The following BBX variants were observed in gnomAD, a reference collection of about 807,000 sequenced individuals.
BBX encodes the protein BBX high mobility group box domain containing, also known as HMG box transcription factor BBX.
BBX carries 30 observed loss-of-function variants against 100.2 expected under a neutral mutation model. The ratio of observed to expected loss-of-function variants is 0.30; its 90% CI spans 0.22 to 0.41. The LOEUF is 0.41. BBX is among the 10% of genes least tolerant of loss of function. The pLI, the probability that BBX is intolerant of heterozygous loss-of-function variation, is 1.00. For synonymous variants in BBX, 376 were observed against 388.1 expected (o/e 0.97, Z 0.37); for missense variants, 1,023 against 1,129.8 (o/e 0.91, Z 1.35).
intron 2 of BBX, among the ~76,000 whole-genome samples, chr3:107,561,275 G>A (rs2050476643): frequency 6.6e-6 from 1 of 152,136 alleles, no homozygotes; most frequent in African/African-American, 2.4e-5. Context: ...GATTGTCCTG[G>A]TTATGTAGAA....
intron 7 of BBX, among the ~76,000 whole-genome samples, chr3:107,740,716 C>T (rs1327007255): frequency 6.6e-6 from 1 of 151,950 alleles, no homozygotes; most frequent in East Asian, 1.9e-4. Flanking sequence ...TACTTTCCCA[C>T]CTCCTGTTAC....
rs757803727 is a variant in BBX, at chr3:107,808,432, C to T, written c.*2975C>T. 3 of 152,074 alleles carry T rather than the reference C, an allele frequency of 2.0e-5. No individual in the cohort carries two copies. The highest frequency in any genetic ancestry group is 4.4e-5 in the Non-Finnish European group (3 of 68,010). The allele number at this position is 152,074 out of a possible 1,614,324, so 9.4% of individuals were successfully genotyped here. A position where few individuals can be genotyped will look rare whatever the true frequency, so the allele number is the denominator to read the frequency against. ...TCTTTTGAAAAAAAATTGTCCTAGC[C>T]CTTCTCTGCGATGCTGGAAGTAGAA... On this transcript the variant is annotated 3_prime_UTR_variant, in exon 18 of 18. Transcript: ENST00000325805.
At position 107,772,665 on chromosome 3, in the gene BBX, C is replaced by T; in HGVS notation, c.944C>T (p.Ser315Leu). 6.3e-7 allele frequency: 1 copy of T among 1,595,666 alleles called. No homozygotes were observed. Among genetic ancestry groups the T allele is most frequent in the Middle Eastern group, 1.7e-4 (1 of 5,930 alleles). The change falls in exon 11 of 18, where the codon TCA becomes TTA. Residue 315 changes from serine (S) to leucine (L), a missense_variant. Ser to Leu is a moderately radical substitution (Grantham distance 145). Around this residue, in one of 9 missense-constraint regions of BBX, gnomAD observed 348 missense variants for 353.2 expected, o/e 0.99. Transcript: ENST00000325805. ...TCAGAAGGGATGAAAATGGAAGAATCAAAGCTAATAAAAGCAAAAGAATCC... is the reference window on the plus strand; with the variant it reads ...TCAGAAGGGATGAAAATGGAAGAATTAAAGCTAATAAAAGCAAAAGAATCC... The part of the protein sequence containing the change: ...LASEGMKMEE[S>L]KLIKAKESDG...
At chr3:107,539,173 G>A (rs2947095) in intron 2 of BBX, among the ~76,000 whole-genome samples, 16,525 of 152,022 alleles carry the variant, frequency 0.11, 994 homozygotes, top group Non-Finnish European at 0.12. Flanking sequence ...TGGGTTCAAT[G>A]TATTGAATTA....
At chr3:107,742,509 G>A (rs1475985702) in intron 7 of BBX, among the ~76,000 whole-genome samples, 1 of 152,020 alleles carries the variant, frequency 6.6e-6, no homozygotes, top group East Asian at 1.9e-4. Flanking sequence ...TTTAAAGTAA[G>A]AATAACTAGG....
intron 2 of BBX, among the ~76,000 whole-genome samples, chr3:107,555,113 T>G (rs2049999132): frequency 6.6e-6 from 1 of 152,042 alleles, no homozygotes; most frequent in Admixed American, 6.6e-5. Flanking sequence ...AATACATATG[T>G]TTCTACTTTA....
At chr3:107,629,639 A>AAT (rs1479208261) in intron 2 of BBX, among the ~76,000 whole-genome samples, 1 of 152,068 alleles carries the variant, frequency 6.6e-6, no homozygotes, top group Non-Finnish European at 1.5e-5. Flanking sequence ...CCATCTATTT[A>AAT]ATAGTAATCA....
intron 2 of BBX, among the ~76,000 whole-genome samples, chr3:107,563,266 T>C (rs181122813): frequency 2.6e-5 from 4 of 152,352 alleles, no homozygotes; most frequent in Admixed American, 6.5e-5. Flanking sequence ...TCAGGATCCA[T>C]GGATCTTGTT....
chr3:107,638,788 C>T (rs1178084070), intron 2 of BBX, among the ~76,000 whole-genome samples: 1 of 18,462 alleles, frequency 5.4e-5, no homozygotes, highest in African/African-American at 6.0e-4. Flanking sequence ...TATACACACA[C>T]ACACACACAC....
intron 3 of BBX, among the ~76,000 whole-genome samples, chr3:107,688,776 G>C (rs1470372688): frequency 6.6e-6 from 1 of 151,920 alleles, no homozygotes; most frequent in Non-Finnish European, 1.5e-5. Context: ...CCATTAATAG[G>C]TCCTCAAAAG....
chr3:107,608,079 G>T (rs978278564), intron 2 of BBX, among the ~76,000 whole-genome samples: 1 of 152,036 alleles, frequency 6.6e-6, no homozygotes, highest in Admixed American at 6.5e-5. Flanking sequence ...GATCCCATCT[G>T]TCCGTTTTCT....
intron 7 of BBX, among the ~76,000 whole-genome samples, chr3:107,743,194 A>C (rs766714542): frequency 4.6e-5 from 7 of 152,188 alleles, no homozygotes; most frequent in Non-Finnish European, 7.4e-5. Flanking sequence ...TGTAAGTAAA[A>C]TTTTGATTAT....
At chr3:107,552,374 G>A (rs606736) in intron 2 of BBX, among the ~76,000 whole-genome samples, 8,117 of 11,266 alleles carry the variant, frequency 0.72, 3,036 homozygotes, top group Middle Eastern at 1. Context: ...AAAAAAAAAA[G>A]GGATTGCTCT....
intron 6 of BBX, among the ~76,000 whole-genome samples, chr3:107,729,195 T>C (rs554738949): frequency 3.9e-5 from 6 of 152,144 alleles, no homozygotes; most frequent in Non-Finnish European, 8.8e-5. Context: ...ATTCCTGACA[T>C]TGACAGTATG....
intron 3 of BBX, among the ~76,000 whole-genome samples, chr3:107,652,662 T>C (rs903501999): frequency 6.6e-6 from 1 of 152,196 alleles, no homozygotes; most frequent in African/African-American, 2.4e-5. Context: ...CTGAAAGGTG[T>C]TGGATCAATT....
At chr3:107,752,704 C>T (rs2065169942) in intron 9 of BBX, among the ~76,000 whole-genome samples, 1 of 152,172 alleles carries the variant, frequency 6.6e-6, no homozygotes, top group Non-Finnish European at 1.5e-5. Flanking sequence ...TTTATCCAAA[C>T]ATTACATAAT....
chr3:107,588,131 C>T (rs962057879), intron 2 of BBX, among the ~76,000 whole-genome samples: 3 of 152,086 alleles, frequency 2.0e-5, no homozygotes, highest in Non-Finnish European at 2.9e-5. Flanking sequence ...GTGACTAGAG[C>T]AGTATCTGAT....
chr3:107,781,443 TCTAA>T (rs1362933646), intron 13 of BBX, among the ~76,000 whole-genome samples: 2 of 152,156 alleles, frequency 1.3e-5, no homozygotes, highest in African/African-American at 4.8e-5. Flanking sequence ...TAAATTCTAA[TCTAA>T]CTCACAATGC....
chr3:107,588,118 C>G (rs2053004847), intron 2 of BBX, among the ~76,000 whole-genome samples: 3 of 151,978 alleles, frequency 2.0e-5, no homozygotes, highest in South Asian at 4.1e-4. Context: ...CTTTTCTATC[C>G]TGGTGACTAG....
Sources: allele counts gnomAD v4.1 joint callset (sites outside exome capture counted in the v4.1 genomes callset), GRCh38; gene constraint gnomAD v4.1.1; regional missense constraint gnomAD v4.1.1; transcripts MANE v1.5; gene names NCBI Gene and HGNC (gene_info 2026-07-23, HGNC 2026-07-21).